SERPINI1: variants seen among roughly 807,000 people sequenced by gnomAD.
The protein encoded by SERPINI1 is neuroserpin.
A neutral mutation model predicts 41.1 loss-of-function variants in SERPINI1; 19 were observed. The observed-to-expected ratio is 0.46, with a 90% CI of 0.32 to 0.68. The LOEUF is 0.68. Ranked by LOEUF, SERPINI1 falls within the 30% of genes least tolerant of loss-of-function variation. The pLI is 0.03. For missense variants in SERPINI1, 460 were observed against 479.2 expected (o/e 0.96, Z 0.37); for synonymous variants, 138 against 156.6 (o/e 0.88, Z 0.89).
rs753530575 is a variant in SERPINI1 at position 167,807,271 on chromosome 3, A to T, written c.909A>T (p.Leu303Phe). The T allele has an allele frequency of 6.2e-7, 1 of 1,612,738 alleles. No homozygotes were observed. Among genetic ancestry groups the T allele is most frequent in the South Asian group, 1.1e-5 (1 of 91,042 alleles). Residue 303 changes from leucine (L) to phenylalanine (F), a missense_variant, in exon 6 of 9, where the codon TTA (leucine) becomes TTT (phenylalanine). Physicochemically the swap from Leu to Phe is conservative, Grantham distance 22. Transcript: ENST00000446050. ...TCACAGTGGAACAGGAAATTGATTT[A>T]AAAGATGTTTTGAAGGCTCTTGGAA... ...PRFTVEQEIDLKDVLKALGIT... is the reference protein window; with the variant it reads ...PRFTVEQEIDFKDVLKALGIT...
At chr3:167,775,529 A>G (rs886438738) in intron 1 of SERPINI1, among the ~76,000 whole-genome samples, 3 of 152,102 alleles carry the variant, frequency 2.0e-5, no homozygotes, top group Admixed American at 1.3e-4. Flanking sequence ...TAGCAAAACA[A>G]TTGGGGAGCA....
intron 6 of SERPINI1, among the ~76,000 whole-genome samples, chr3:167,808,433 A>T (rs1297858028): frequency 6.6e-6 from 1 of 152,158 alleles, no homozygotes; most frequent in Non-Finnish European, 1.5e-5. Flanking sequence ...AATAAGTTAT[A>T]TAAGGATTAT....
At chr3:167,767,664 G>A (rs768305199) in intron 1 of SERPINI1, among the ~76,000 whole-genome samples, 1 of 152,066 alleles carries the variant, frequency 6.6e-6, no homozygotes, top group Non-Finnish European at 1.5e-5. Flanking sequence ...GAAAATTTTT[G>A]ATTCACGGGA....
intron 5 of SERPINI1, among the ~76,000 whole-genome samples, chr3:167,797,582 T>A (rs1229688309): frequency 6.6e-6 from 1 of 152,070 alleles, no homozygotes; most frequent in African/African-American, 2.4e-5. Context: ...TAGCCACATA[T>A]TTTCTTGTCT....
chr3:167,744,854 TATATATATATATAA>T (rs1725816154), intron 1 of SERPINI1, among the ~76,000 whole-genome samples: 1 of 110,724 alleles, frequency 9.0e-6, no homozygotes, highest in Admixed American at 9.6e-5. Context: ...TAACTATAGT[TATATATATATATAA>T]ATATATATAT....
At chr3:167,767,806 C>T (rs146120669) in intron 1 of SERPINI1, among the ~76,000 whole-genome samples, 127 of 152,242 alleles carry the variant, frequency 8.3e-4, no homozygotes, top group African/African-American at 2.8e-3. Flanking sequence ...AACAAGAGAA[C>T]TCGAATTGGA....
At chr3:167,763,634 G>A (rs1174133779) in intron 1 of SERPINI1, among the ~76,000 whole-genome samples, 1 of 152,058 alleles carries the variant, frequency 6.6e-6, no homozygotes, top group Non-Finnish European at 1.5e-5. Flanking sequence ...TATCCCAGTT[G>A]GTATTCTACC....
chr3:167,759,942 T>G (rs887488340), intron 1 of SERPINI1, among the ~76,000 whole-genome samples: 1 of 152,200 alleles, frequency 6.6e-6, no homozygotes, highest in African/African-American at 2.4e-5. Context: ...GAGACAGACA[T>G]TTCTGTAGTC....
Position 167,811,283 on chromosome 3 carries a change from G to A in SERPINI1, c.979+3942G>A, listed in dbSNP as rs146119787. ...AGGAATTCTTCCTAACATCTGCAAT[G>A]CCCAGGAGAGCTCCTCCACAACAAA... On this transcript the variant is annotated intron_variant, in intron 6 of 8. Transcript: ENST00000446050. Among the ~76,000 whole-genome samples the A allele has an allele frequency of 2.8e-3, 425 of 151,352 alleles. 3 individuals are homozygous for A. Among genetic ancestry groups the A allele is most frequent in the African/African-American group, 9.9e-3 (407 of 41,152 alleles).
At chr3:167,820,607 C>A (rs1712285088) in intron 6 of SERPINI1, among the ~76,000 whole-genome samples, 1 of 152,212 alleles carries the variant, frequency 6.6e-6, no homozygotes, top group Admixed American at 6.5e-5. Context: ...CCCCTCCAGA[C>A]TTTGGGCACT....
chr3:167,772,860 C>CTA (rs1577409622), intron 1 of SERPINI1, among the ~76,000 whole-genome samples: 2 of 23,472 alleles, frequency 8.5e-5, no homozygotes, highest in African/African-American at 1.6e-4. Context: ...CTCTCTCTCT[C>CTA]TCTCTATATA....
chr3:167,766,874 T>C (rs1485080089), intron 1 of SERPINI1, among the ~76,000 whole-genome samples: 1 of 152,176 alleles, frequency 6.6e-6, no homozygotes, highest in African/African-American at 2.4e-5. Flanking sequence ...GATTGGTTCA[T>C]GAGGTTTAAG....
At chr3:167,742,217 C>T (rs1725702748) in intron 1 of SERPINI1, among the ~76,000 whole-genome samples, 1 of 151,846 alleles carries the variant, frequency 6.6e-6, no homozygotes, top group Admixed American at 6.6e-5. Flanking sequence ...AAATCTTATC[C>T]AGGATTATCT....
chr3:167,755,440 A>C (rs971253436), intron 1 of SERPINI1, among the ~76,000 whole-genome samples: 1 of 152,212 alleles, frequency 6.6e-6, no homozygotes, highest in African/African-American at 2.4e-5. Context: ...TTTCAAGGAA[A>C]TAGATGATGG....
intron 1 of SERPINI1, among the ~76,000 whole-genome samples, chr3:167,749,378 C>T (rs747601157): frequency 6.6e-6 from 1 of 151,346 alleles, no homozygotes; most frequent in African/African-American, 2.5e-5. Flanking sequence ...ACATAATGTT[C>T]AGCTAGCTGC....
rs117740569 is a variant in SERPINI1 at position 167,753,740 on chromosome 3, T to C, written c.-19+17917T>C. Among the ~76,000 whole-genome samples the C allele has an allele frequency of 9.7e-4, 148 of 152,310 alleles. 1 individual carries two copies. In the East Asian group the frequency reaches 0.028, roughly 29 times the overall value. On this transcript the variant is annotated intron_variant, in intron 1 of 8. Coordinates refer to ENST00000446050, the MANE Select transcript of SERPINI1 (RefSeq NM_001122752.2). ...AAAGATTAAGGAAAATATGTCTAAA[T>C]CTTGCCTAGAACCAATGTCACAAGA...
At chr3:167,754,405 A>G (rs892248048) in intron 1 of SERPINI1, among the ~76,000 whole-genome samples, 1 of 152,244 alleles carries the variant, frequency 6.6e-6, no homozygotes, top group African/African-American at 2.4e-5. Context: ...TTGATTGTAT[A>G]CAACAAAAAT....
At chr3:167,771,723 T>G (rs1245327921) in intron 1 of SERPINI1, among the ~76,000 whole-genome samples, 1 of 152,242 alleles carries the variant, frequency 6.6e-6, no homozygotes, top group East Asian at 1.9e-4. Flanking sequence ...TAGAATTATT[T>G]GGCACAAGTA....
intron 5 of SERPINI1, among the ~76,000 whole-genome samples, chr3:167,806,848 T>A (rs1433466222): frequency 1.5e-5 from 2 of 133,682 alleles, no homozygotes; most frequent in Non-Finnish European, 3.2e-5. Flanking sequence ...ATTAGTCATC[T>A]CCAGCTTAAA....
Sources: gnomAD v4.1 joint callset for allele counts (sites outside exome capture counted in the v4.1 genomes callset) on GRCh38, gnomAD v4.1.1 for gene constraint, MANE v1.5 for transcripts, NCBI Gene and HGNC (gene_info 2026-07-23, HGNC 2026-07-21) for gene names.